Variants in FBXO11 observed in about 807,000 individuals in gnomAD.
FBXO11 encodes the protein F-box only protein 11.
A neutral mutation model predicts 117.0 loss-of-function variants in FBXO11; 13 were observed. The ratio of observed to expected loss-of-function variants is 0.11; its 90% CI spans 0.07 to 0.18. The LOEUF is 0.18. Ranked by LOEUF, FBXO11 falls within the 10% of genes least tolerant of loss-of-function variation. The pLI is 1.00. For missense variants in FBXO11, 767 were observed against 1,164.4 expected, an observed-to-expected ratio of 0.66 and a Z score of 4.97; for synonymous variants, 490 against 380.5, an observed-to-expected ratio of 1.29 and a Z score of -3.35.
chr2:47,873,733 C>T (rs1338373172), intron 1 of FBXO11, among the ~76,000 whole-genome samples: 2 of 152,136 alleles, frequency 1.3e-5, no homozygotes, highest in South Asian at 2.1e-4. Context: ...TTATTTTGTC[C>T]CTCTTACCCT....
Position 47,904,905 on chromosome 2 carries a change from C to T in FBXO11, c.232+584G>A, listed in dbSNP as rs572950010. On this transcript the variant is annotated intron_variant, in intron 1 of 22. Coordinates refer to ENST00000403359, the MANE Select transcript of FBXO11 (RefSeq NM_001190274.2). ...TGGGGTTGGGAGAGGAGTCGCTGCT[C>T]CCCCTACCCCGTGACCAGGGACGGG... Among the ~76,000 whole-genome samples the T allele has an allele frequency of 3.3e-5, 5 of 152,124 alleles. No individual in the cohort carries two copies. The South Asian group carries it at 1.0e-3, about 32-fold the overall frequency.
At chr2:47,903,184 G>A (rs1405737737) in intron 1 of FBXO11, among the ~76,000 whole-genome samples, 1 of 152,048 alleles carries the variant, frequency 6.6e-6, no homozygotes, top group Non-Finnish European at 1.5e-5. Context: ...CCATATGGCT[G>A]GCAACATCTT....
chr2:47,809,536 C>A, intron 20 of FBXO11, 64 bp downstream of exon 20: 1 of 1,184,490 alleles, frequency 8.4e-7, no homozygotes, highest in Admixed American at 2.0e-5. Flanking sequence ...AGTTATAAAA[C>A]GGCTTCTGAT....
intron 1 of FBXO11, among the ~76,000 whole-genome samples, chr2:47,864,025 T>G (rs754501842): frequency 1.8e-4 from 28 of 152,048 alleles, no homozygotes; most frequent in Non-Finnish European, 2.8e-4. Flanking sequence ...AACAAAATGG[T>G]AGTCAAGTTA....
chr2:47,842,113 T>C (rs1673059047), intron 1 of FBXO11, among the ~76,000 whole-genome samples: 1 of 151,820 alleles, frequency 6.6e-6, no homozygotes, highest in Non-Finnish European at 1.5e-5. Flanking sequence ...TCTCCTGGGT[T>C]CAAGCCATTC....
chr2:47,821,787 AAAC>A (rs941550366), intron 13 of FBXO11, among the ~76,000 whole-genome samples: 15 of 152,128 alleles, frequency 9.9e-5, no homozygotes, highest in African/African-American at 3.1e-4. Context: ...TCTGTCTCAA[AAAC>A]AACAACAACA....
intron 18 of FBXO11, 64 bp downstream of exon 18, chr2:47,813,170 A>G (rs545054877): frequency 1.4e-6 from 2 of 1,475,630 alleles, no homozygotes; most frequent in East Asian, 2.3e-5. Flanking sequence ...GTCATTGATC[A>G]TTAAAGATAT....
chr2:47,896,533 T>C (rs1014814494), intron 1 of FBXO11, among the ~76,000 whole-genome samples: 3 of 152,142 alleles, frequency 2.0e-5, no homozygotes, highest in Non-Finnish European at 4.4e-5. Context: ...TTTCGCCATG[T>C]TGCCCAGGCA....
chr2:47,826,905 ATACATT>A (rs1281677507), intron 11 of FBXO11, among the ~76,000 whole-genome samples: 2 of 152,082 alleles, frequency 1.3e-5, no homozygotes, highest in Non-Finnish European at 2.9e-5. Context: ...TCACCTCTTA[ATACATT>A]TACATTTACA....
intron 1 of FBXO11, among the ~76,000 whole-genome samples, chr2:47,892,858 T>G (rs970139074): frequency 3.3e-5 from 5 of 150,446 alleles, no homozygotes; most frequent in Non-Finnish European, 7.4e-5. Context: ...TATCTAGGCG[T>G]TTTTTTTTAA....
At position 47,832,866 on chromosome 2, in the gene FBXO11, G is replaced by A. The variant is rs1438710710; in HGVS notation, c.1056C>T (p.Asp352=). 1.9e-6 allele frequency: 3 copies of A among 1,613,776 alleles called. No individual in the cohort carries two copies. Among genetic ancestry groups the A allele is most frequent in the African/African-American group, 1.3e-5 (1 of 74,916 alleles). ...GYMTIRFNPD[D]KSAQHHNAHH... ...GTGCATTGTGGTGTTGTGCAGATTT[G>A]TCATCAGGGTTAAACTGAAAAGTAA... Residue 352 remains aspartate (D), a synonymous_variant, in exon 9 of 23, where the codon GAC becomes GAT. Coordinates refer to ENST00000403359, the MANE Select transcript of FBXO11 (RefSeq NM_001190274.2).
intron 1 of FBXO11, among the ~76,000 whole-genome samples, chr2:47,845,298 C>T (rs1300725070): frequency 6.6e-6 from 1 of 152,186 alleles, no homozygotes; most frequent in Non-Finnish European, 1.5e-5. Flanking sequence ...ATTCAAGAAG[C>T]TACATGATTT....
chr2:47,861,725 C>T (rs146083100), intron 1 of FBXO11, among the ~76,000 whole-genome samples: 1 of 152,036 alleles, frequency 6.6e-6, no homozygotes, highest in Admixed American at 6.6e-5. Context: ...GGGAAAGAGA[C>T]GTCCTTCTCT....
intron 11 of FBXO11, among the ~76,000 whole-genome samples, chr2:47,825,318 G>T (rs191911916): frequency 6.6e-6 from 1 of 151,706 alleles, no homozygotes. Flanking sequence ...AAAAGATAGC[G>T]TCTTCAAATA....
chr2:47,885,464 A>G (rs1335479374), intron 1 of FBXO11, among the ~76,000 whole-genome samples: 1 of 152,004 alleles, frequency 6.6e-6, no homozygotes, highest in African/African-American at 2.4e-5. Context: ...AATCCCAGCT[A>G]CTCGGGAGGC....
chr2:47,821,759 T>C (rs757871913), intron 13 of FBXO11, among the ~76,000 whole-genome samples: 3 of 152,064 alleles, frequency 2.0e-5, no homozygotes, highest in Non-Finnish European at 4.4e-5. Context: ...CACTCCAGCC[T>C]AGGCAACAGA....
chr2:47,862,394 T>C (rs1674847086), intron 1 of FBXO11, among the ~76,000 whole-genome samples: 1 of 152,202 alleles, frequency 6.6e-6, no homozygotes, highest in African/African-American at 2.4e-5. Context: ...GCGGGTGATA[T>C]GAAGAACTGG....
At position 47,905,620 on chromosome 2, in the gene FBXO11, TGCG is replaced by T. The variant is rs774225364; in HGVS notation, c.98_100del (p.Pro33del). 1.6e-5 allele frequency: 22 copies of T among 1,368,986 alleles called. No homozygotes were observed. Among genetic ancestry groups the T allele is most frequent in the Admixed American group, 6.0e-5 (2 of 33,444 alleles). The allele number at this position is 1,368,986 out of a possible 1,614,324, so 84.8% of individuals were successfully genotyped here. ...CTGGGGCGGCTGCTGCTGGGGCGGC[TGCG>T]GCGGCGGCTGCTGCGGGGGCTGCTG... On this transcript the variant is annotated inframe_deletion, in exon 1 of 23. Transcript: ENST00000403359.
chr2:47,887,314 G>A, intron 1 of FBXO11, among the ~76,000 whole-genome samples: 1 of 148,490 alleles, frequency 6.7e-6, no homozygotes, highest in South Asian at 2.1e-4. Flanking sequence ...GGAGGGGGGA[G>A]ACAAGACCCT....
Sources: gnomAD v4.1 joint callset for allele counts (sites outside exome capture counted in the v4.1 genomes callset) on GRCh38, gnomAD v4.1.1 for gene constraint, MANE v1.5 for transcripts, NCBI Gene and HGNC (gene_info 2026-07-23, HGNC 2026-07-21) for gene names.